Variants in PIK3R4 observed in about 807,000 individuals in gnomAD.
PIK3R4 encodes phosphoinositide 3-kinase regulatory subunit 4.
In PIK3R4, 46 loss-of-function variants were observed where a neutral mutation model predicts 136.5. The observed-to-expected ratio is 0.34, with a 90% CI of 0.27 to 0.43. PIK3R4 has a LOEUF of 0.43. PIK3R4 is among the 20% of genes least tolerant of loss of function. PIK3R4 has a pLI of 1.00. For missense variants in PIK3R4, 1,331 were observed against 1,649.5 expected (o/e 0.81, Z 3.35); for synonymous variants, 557 against 566.7 (o/e 0.98, Z 0.24).
chr3:130,736,163 G>A (rs1319935348), intron 2 of PIK3R4, among the ~76,000 whole-genome samples, 161 bp from the exon 3 acceptor site: 1 of 152,132 alleles, frequency 6.6e-6, no homozygotes, highest in East Asian at 1.9e-4. Context: ...AGCTGACAGG[G>A]AAAATGTCTA....
intron 7 of PIK3R4, among the ~76,000 whole-genome samples, chr3:130,721,038 TA>T (rs562754588): frequency 4.4e-4 from 63 of 144,498 alleles, no homozygotes; most frequent in Admixed American, 4.8e-4. Flanking sequence ...CCCTGTGTCT[TA>T]AAAAAAAAAA....
intron 7 of PIK3R4, among the ~76,000 whole-genome samples, chr3:130,719,672 A>T (rs578062238): frequency 3.9e-5 from 6 of 152,312 alleles, no homozygotes; most frequent in Non-Finnish European, 7.4e-5. Context: ...ACGGTTTGAC[A>T]GGAGTTGGGA....
intron 1 of PIK3R4, 133 bp downstream of exon 1, chr3:130,746,185 C>T (rs2066852270): frequency 6.6e-6 from 1 of 152,146 alleles, no homozygotes; most frequent in Admixed American, 6.5e-5. Flanking sequence ...GAAACCTTGC[C>T]ACAGATGTTA....
At chr3:130,702,460 A>G (rs568868668) in intron 13 of PIK3R4, among the ~76,000 whole-genome samples, 1 of 152,368 alleles carries the variant, frequency 6.6e-6, no homozygotes, top group Non-Finnish European at 1.5e-5. Flanking sequence ...TAATCGGCAC[A>G]AAATCTTAAG....
chr3:130,719,240 C>G (rs141573935), intron 7 of PIK3R4, among the ~76,000 whole-genome samples: 75 of 152,248 alleles, frequency 4.9e-4, no homozygotes, highest in Non-Finnish European at 8.1e-4. Context: ...TCAATGATTT[C>G]AACTAATCGA....
intron 13 of PIK3R4, among the ~76,000 whole-genome samples, chr3:130,694,138 C>G (rs2066534052): frequency 6.6e-6 from 1 of 152,044 alleles, no homozygotes; most frequent in Non-Finnish European, 1.5e-5. Context: ...ATCTATATGT[C>G]TATCCTTATA....
At chr3:130,717,925 G>A (rs966629054) in intron 8 of PIK3R4, among the ~76,000 whole-genome samples, 2 of 152,142 alleles carry the variant, frequency 1.3e-5, no homozygotes, top group African/African-American at 2.4e-5. Context: ...TGCTAAAGGT[G>A]GAGCAGAGGT....
At position 130,746,442 on chromosome 3, in the gene PIK3R4, T is replaced by G. The variant is rs1416154735; in HGVS notation, c.-171A>C. 1 of 152,206 alleles carries G rather than the reference T, an allele frequency of 6.6e-6. No individual in the cohort carries two copies. The highest frequency in any genetic ancestry group is 1.5e-5 in the Non-Finnish European group (1 of 68,104). 9.4% of individuals were successfully genotyped at this position (152,206 alleles called of 1,614,324 possible). A position where few individuals can be genotyped will look rare whatever the true frequency, so the allele number is the denominator to read the frequency against. ...AAGTTGTTTCTACGAAGGGTCTTTC[T>G]TCATAGACAGGAGATGGGCTGTTGG... On this transcript the variant is annotated 5_prime_UTR_variant, in exon 1 of 20. Transcript: ENST00000356763.
intron 6 of PIK3R4, among the ~76,000 whole-genome samples, chr3:130,724,519 A>G (rs1189727771): frequency 1.3e-5 from 2 of 152,104 alleles, no homozygotes; most frequent in Admixed American, 1.3e-4. Flanking sequence ...GTCTATACAT[A>G]AAAGACTTCA....
chr3:130,679,155 C>CTT lies in PIK3R4; in HGVS notation c.*158_*159dup, dbSNP rs1284967402. On this transcript the variant is annotated 3_prime_UTR_variant, in exon 20 of 20. Transcript: ENST00000356763. The stretch of plus-strand genomic sequence containing the variant: ...GCATAAGTAAACTAGTCAAGTACAT[C>CTT]TTAACCATTTTGGGTGTCATTTAGT... 28 of 418,836 alleles carry CTT rather than the reference C, an allele frequency of 6.7e-5. No individual in the cohort carries two copies. The Admixed American group carries it at 1.2e-3, about 17-fold the overall frequency. The allele number at this position is 418,836 out of a possible 1,614,324, so 25.9% of individuals were successfully genotyped here.
At chr3:130,734,228 C>T in intron 3 of PIK3R4, 98 bp from the exon 4 acceptor site, 1 of 914,136 alleles carries the variant, frequency 1.1e-6, no homozygotes, top group South Asian at 1.7e-5. Context: ...TTTAAAGGAT[C>T]TTTCAGAACC....
chr3:130,712,610 G>A (rs2066638607), intron 9 of PIK3R4, among the ~76,000 whole-genome samples: 1 of 150,762 alleles, frequency 6.6e-6, no homozygotes, highest in East Asian at 2.0e-4. Flanking sequence ...GGAGGTTGTG[G>A]TGAGCCGAGA....
chr3:130,734,537 C>T (rs1390848021), intron 3 of PIK3R4, among the ~76,000 whole-genome samples: 2 of 152,158 alleles, frequency 1.3e-5, no homozygotes, highest in Non-Finnish European at 2.9e-5. Flanking sequence ...ATCACAGAAC[C>T]CCTAAAATCC....
intron 9 of PIK3R4, among the ~76,000 whole-genome samples, chr3:130,712,952 A>G (rs1260564444): frequency 6.6e-6 from 1 of 152,150 alleles, no homozygotes; most frequent in Non-Finnish European, 1.5e-5. Flanking sequence ...AGGCTTTGGA[A>G]TCAGATAGGT....
At chr3:130,729,217 CACTT>C (rs1411005899) in intron 5 of PIK3R4, among the ~76,000 whole-genome samples, 3 of 152,162 alleles carry the variant, frequency 2.0e-5, no homozygotes, top group Non-Finnish European at 2.9e-5. Flanking sequence ...CACTTTTTCT[CACTT>C]ATTTATTTAC....
intron 11 of PIK3R4, among the ~76,000 whole-genome samples, chr3:130,706,722 G>A (rs1333618369): frequency 1.3e-5 from 2 of 152,102 alleles, no homozygotes; most frequent in African/African-American, 4.8e-5. Context: ...TCAGATCACT[G>A]TATTGCCAAG....
At chr3:130,689,265 C>T (rs758556531) in intron 14 of PIK3R4, among the ~76,000 whole-genome samples, 3 of 152,198 alleles carry the variant, frequency 2.0e-5, no homozygotes, top group Admixed American at 6.5e-5. Flanking sequence ...GTGCCATTGG[C>T]TGAGAGACAA....
chr3:130,691,589 C>T (rs988179201), intron 13 of PIK3R4, among the ~76,000 whole-genome samples: 5 of 152,116 alleles, frequency 3.3e-5, no homozygotes, highest in Non-Finnish European at 5.9e-5. Flanking sequence ...TGCAACTTTA[C>T]GCTTCTAAGG....
At chr3:130,680,416 AC>A (rs2066450735) in intron 19 of PIK3R4, 196 bp downstream of exon 19, 2 of 386,832 alleles carry the variant, frequency 5.2e-6, no homozygotes, top group African/African-American at 4.1e-5. Flanking sequence ...TTGAGCTATT[AC>A]TTATATGCAC....
Sources: allele counts gnomAD v4.1 joint callset (sites outside exome capture counted in the v4.1 genomes callset), GRCh38; gene constraint gnomAD v4.1.1; transcripts MANE v1.5; gene names NCBI Gene and HGNC (gene_info 2026-07-23, HGNC 2026-07-21).